CPQ: variants seen among roughly 807,000 people sequenced by gnomAD.
CPQ encodes the protein Ser-Met dipeptidase.
Under a neutral mutation model 45.7 loss-of-function variants are expected in CPQ, and 37 were observed. The ratio of observed to expected loss-of-function variants is 0.81; its 90% CI spans 0.62 to 1.07. The LOEUF (loss-of-function observed/expected upper bound fraction) is 1.07, where lower values mean the gene tolerates loss of function less well. Among genes scored for constraint, CPQ ranks in the 50% least tolerant of loss-of-function variants. The pLI, the probability that CPQ is intolerant of heterozygous loss-of-function variation, is 0.00. For synonymous variants in CPQ, 186 were observed against 205.8 expected, an observed-to-expected ratio of 0.90 and a Z score of 0.82; for missense variants, 537 against 572.9, an observed-to-expected ratio of 0.94 and a Z score of 0.64.
intron 4 of CPQ, among the ~76,000 whole-genome samples, chr8:96,918,281 C>G (rs1812758471): frequency 6.6e-6 from 1 of 152,118 alleles, no homozygotes; most frequent in South Asian, 2.1e-4. Context: ...AAACATTATA[C>G]ATTGATTTCC....
intron 5 of CPQ, among the ~76,000 whole-genome samples, chr8:97,013,757 C>G (rs915632931): frequency 6.6e-6 from 1 of 152,152 alleles, no homozygotes; most frequent in Non-Finnish European, 1.5e-5. Context: ...AGATCGGAAT[C>G]TATCTACATA....
chr8:96,663,014 T>G (rs908004676), intron 1 of CPQ, among the ~76,000 whole-genome samples: 1 of 152,142 alleles, frequency 6.6e-6, no homozygotes, highest in Non-Finnish European at 1.5e-5. Context: ...ATCTCAACGT[T>G]AAACTTTCTA....
intron 1 of CPQ, among the ~76,000 whole-genome samples, chr8:96,766,402 G>A (rs894173785): frequency 1.1e-4 from 17 of 152,052 alleles, no homozygotes; most frequent in African/African-American, 3.9e-4. Context: ...TGCTGGCTTG[G>A]GCTGTGTTTA....
In CPQ at chr8:96,657,329, A is replaced by G. The variant is rs529683870; in HGVS notation, c.-35+11927A>G. Among the ~76,000 whole-genome samples, 62 of 152,212 alleles carry G rather than the reference A, an allele frequency of 4.1e-4. 1 individual carries two copies. Among genetic ancestry groups the G allele is most frequent in the African/African-American group, 1.5e-3 (61 of 41,526 alleles). ...CACTGCACTTCAGCTGGGGCAACAG[A>G]GTGGGACTCTGTCTCAAAAAAAAAT... On this transcript the variant is annotated intron_variant, in intron 1 of 7. Transcript: ENST00000220763.
chr8:96,786,000 C>T (rs1036231872), intron 2 of CPQ, among the ~76,000 whole-genome samples: 6 of 152,148 alleles, frequency 3.9e-5, no homozygotes, highest in Non-Finnish European at 7.4e-5. Flanking sequence ...TAGTGAAGTA[C>T]ATTGTCAGTT....
chr8:97,060,276 C>A (rs1037954910), intron 6 of CPQ, among the ~76,000 whole-genome samples: 4 of 152,024 alleles, frequency 2.6e-5, no homozygotes, highest in African/African-American at 9.7e-5. Flanking sequence ...TTGAATCTTG[C>A]GTTGCACCCA....
chr8:96,826,648 A>T (rs1335049433), intron 2 of CPQ, among the ~76,000 whole-genome samples: 7 of 151,898 alleles, frequency 4.6e-5, no homozygotes, highest in Admixed American at 4.6e-4. Context: ...GTTCTGGGGT[A>T]CATATGCAGG....
intron 1 of CPQ, among the ~76,000 whole-genome samples, chr8:96,733,048 C>T (rs903527814): frequency 6.6e-6 from 1 of 152,100 alleles, no homozygotes; most frequent in Non-Finnish European, 1.5e-5. Flanking sequence ...CAAAAGGAGT[C>T]TCCTGTAAAC....
intron 3 of CPQ, among the ~76,000 whole-genome samples, chr8:96,872,622 T>C (rs1362277207): frequency 6.6e-6 from 1 of 151,940 alleles, no homozygotes; most frequent in Non-Finnish European, 1.5e-5. Context: ...GATATATTTG[T>C]CTGCAAATAA....
At chr8:96,819,748 G>A (rs1811276633) in intron 2 of CPQ, among the ~76,000 whole-genome samples, 1 of 151,976 alleles carries the variant, frequency 6.6e-6, no homozygotes, top group Non-Finnish European at 1.5e-5. Flanking sequence ...GCTCTTCATT[G>A]GTCAGCTTTT....
chr8:97,029,408 C>G lies in CPQ; in HGVS notation c.967C>G (p.Arg323Gly), dbSNP rs753340797. 3.7e-6 allele frequency: 6 copies of G among 1,603,346 alleles called. No homozygotes were observed. The highest frequency in any genetic ancestry group is 5.1e-6 in the Non-Finnish European group (6 of 1,173,994). Reference sequence around the variant, plus strand: ...TTATTTTATTATTTTCCCAGGGCTGCGTCCAAAGAGGACTCTGCGGCTGGT... The same window carrying G: ...TTATTTTATTATTTTCCCAGGGCTGGGTCCAAAGAGGACTCTGCGGCTGGT... ...ALSLIKDLGL[R>G]PKRTLRLVLW... The change falls in exon 6 of 8, where the codon CGT becomes GGT. Residue 323 changes from arginine to glycine, a missense_variant. Physicochemically the swap from Arg to Gly is moderately radical, Grantham distance 125. Transcript: ENST00000220763.
chr8:96,750,147 A>G (rs1586386057), intron 1 of CPQ, among the ~76,000 whole-genome samples: 2 of 151,790 alleles, frequency 1.3e-5, no homozygotes, highest in African/African-American at 4.8e-5. Context: ...TATATTTTAT[A>G]TATACACACA....
chr8:96,764,267 G>T (rs904272365), intron 1 of CPQ, among the ~76,000 whole-genome samples: 1 of 152,114 alleles, frequency 6.6e-6, no homozygotes, highest in African/African-American at 2.4e-5. Flanking sequence ...ATAGAAGCCA[G>T]GTATAAGACG....
chr8:96,991,515 C>T (rs1302684561), intron 5 of CPQ, among the ~76,000 whole-genome samples: 1 of 151,244 alleles, frequency 6.6e-6, no homozygotes, highest in African/African-American at 2.4e-5. Flanking sequence ...AAAATTGCAC[C>T]ACTGCACTCC....
At chr8:96,650,797 A>T (rs1223605388) in intron 1 of CPQ, among the ~76,000 whole-genome samples, 1 of 152,248 alleles carries the variant, frequency 6.6e-6, no homozygotes, top group Non-Finnish European at 1.5e-5. Flanking sequence ...AGGGATGTTC[A>T]TGAAGAGTTG....
chr8:96,749,006 A>G (rs1434767802), intron 1 of CPQ, among the ~76,000 whole-genome samples: 1 of 151,980 alleles, frequency 6.6e-6, no homozygotes, highest in Non-Finnish European at 1.5e-5. Flanking sequence ...TCTCCTCTAT[A>G]TTTTCCAGAT....
At chr8:96,658,322 G>T (rs996546384) in intron 1 of CPQ, among the ~76,000 whole-genome samples, 1 of 152,196 alleles carries the variant, frequency 6.6e-6, no homozygotes, top group East Asian at 1.9e-4. Flanking sequence ...TGGCTTAATG[G>T]TTAAGAACAT....
intron 1 of CPQ, among the ~76,000 whole-genome samples, chr8:96,706,196 CTTGACCTGTGGAA>C (rs1809528866): frequency 6.6e-6 from 1 of 152,122 alleles, no homozygotes; most frequent in Non-Finnish European, 1.5e-5. Flanking sequence ...CTTGATTTTT[CTTGACCTGTGGAA>C]TTTTATGATT....
intron 1 of CPQ, among the ~76,000 whole-genome samples, chr8:96,722,245 T>C (rs1270765334): frequency 1.3e-5 from 2 of 152,224 alleles, no homozygotes; most frequent in Non-Finnish European, 2.9e-5. Context: ...TTTAAATATA[T>C]AGGATAACTC....
Sources: allele counts gnomAD v4.1 joint callset (sites outside exome capture counted in the v4.1 genomes callset), GRCh38; gene constraint gnomAD v4.1.1; transcripts MANE v1.5; gene names NCBI Gene and HGNC (gene_info 2026-07-23, HGNC 2026-07-21).